Variants in SHISA9 observed in about 807,000 individuals in gnomAD.
SHISA9 encodes protein shisa-9.
SHISA9 carries 13 observed loss-of-function variants against 38.0 expected under a neutral mutation model. That is an observed-to-expected ratio of 0.34 (90% CI 0.22 to 0.54). SHISA9 has a LOEUF of 0.54. Ranked by LOEUF, SHISA9 falls within the 20% of genes least tolerant of loss-of-function variation. The probability of loss-of-function intolerance (pLI) is 0.91; values close to 1 mark genes in which losing one functional copy is unlikely to be tolerated. For missense variants in SHISA9, 538 were observed against 575.8 expected (o/e 0.93, Z 0.67); for synonymous variants, 275 against 242.0 (o/e 1.14, Z -1.27).
chr16:13,487,709 T>C, the SHISA9 span, among the ~76,000 whole-genome samples: 1 of 152,266 alleles, frequency 6.6e-6, no homozygotes, highest in African/African-American at 2.4e-5. Flanking sequence ...TAACATAATG[T>C]AAATGCTATG....
At chr16:12,970,307 C>T (rs2141806800) in intron 2 of SHISA9, among the ~76,000 whole-genome samples, 1 of 128,282 alleles carries the variant, frequency 7.8e-6, no homozygotes, top group Admixed American at 8.6e-5. Context: ...ACCCCTATCT[C>T]TCACTAGGGG....
At chr16:12,993,202 A>T (rs1215353267) in intron 2 of SHISA9, among the ~76,000 whole-genome samples, 1 of 149,068 alleles carries the variant, frequency 6.7e-6, no homozygotes, top group Non-Finnish European at 1.5e-5. Flanking sequence ...TAAAAGGTTC[A>T]GATTTGAAAT....
the SHISA9 span, chr16:13,458,481 G>C: frequency 2.6e-6 from 1 of 390,896 alleles, no homozygotes; most frequent in Non-Finnish European, 5.0e-6. Context: ...CTCATTTACA[G>C]CTAGAAATTG....
chr16:12,968,189 CAAAAAAAAAAAAAAAAAAAAAAAAA>C (rs200194973), intron 2 of SHISA9, among the ~76,000 whole-genome samples: 1 of 82,000 alleles, frequency 1.2e-5, no homozygotes, highest in Non-Finnish European at 2.4e-5. Context: ...GGCTCCATCT[CAAAAAAAAAAAAAAAAAAAAAAAAA>C]AAAAAAAAAA....
the SHISA9 span, among the ~76,000 whole-genome samples, chr16:13,560,966 C>T: frequency 6.6e-6 from 1 of 151,644 alleles, no homozygotes; most frequent in East Asian, 1.9e-4. Context: ...AGGGTTCAAG[C>T]GATTCTCCTG....
chr16:13,489,122 C>T, the SHISA9 span, among the ~76,000 whole-genome samples: 1 of 152,144 alleles, frequency 6.6e-6, no homozygotes, highest in Admixed American at 6.5e-5. Flanking sequence ...TCTCAGCTCA[C>T]TACAACCTCC....
chr16:13,027,156 A>C (rs2072932870), intron 2 of SHISA9, among the ~76,000 whole-genome samples: 1 of 152,186 alleles, frequency 6.6e-6, no homozygotes, highest in Non-Finnish European at 1.5e-5. Context: ...TTGGTTGACA[A>C]ATGTTGGGTG....
the SHISA9 span, among the ~76,000 whole-genome samples, chr16:13,281,736 C>T: frequency 6.6e-6 from 1 of 151,378 alleles, no homozygotes; most frequent in African/African-American, 2.4e-5. Context: ...TCATATTGTA[C>T]TTTTTTATAT....
At chr16:13,529,552 A>G in the SHISA9 span, among the ~76,000 whole-genome samples, 1 of 152,324 alleles carries the variant, frequency 6.6e-6, no homozygotes, top group East Asian at 1.9e-4. Flanking sequence ...TGTATAACAC[A>G]AAGTTACAGT....
the SHISA9 span, among the ~76,000 whole-genome samples, chr16:13,422,638 G>T: frequency 6.6e-6 from 1 of 152,218 alleles, no homozygotes; most frequent in African/African-American, 2.4e-5. Context: ...GGAGGTTGCA[G>T]TGAGCTGAGA....
rs2051028160 is a variant in SHISA9 at position 13,203,566 on chromosome 16, G to A, written c.847+17G>A. On this transcript the variant is annotated intron_variant, in intron 3 of 4. Transcript: ENST00000558583. ...AGGCAGTCGGTAAGTGCCACCTGAT[G>A]GATCTTTTTCTCTTTCTCCTCTTCG... The A allele has an allele frequency of 2.0e-6, 3 of 1,477,538 alleles. No individual in the cohort carries two copies. The highest frequency in any genetic ancestry group is 2.8e-5 in the South Asian group (2 of 71,360). The allele number at this position is 1,477,538 out of a possible 1,614,324, so 91.5% of individuals were successfully genotyped here.
At chr16:12,977,870 G>T (rs2072185926) in intron 2 of SHISA9, among the ~76,000 whole-genome samples, 1 of 152,026 alleles carries the variant, frequency 6.6e-6, no homozygotes, top group Admixed American at 6.6e-5. Flanking sequence ...AATGCATGCT[G>T]GGTTTAATAC....
At chr16:13,403,255 T>G in the SHISA9 span, among the ~76,000 whole-genome samples, 1 of 152,262 alleles carries the variant, frequency 6.6e-6, no homozygotes, top group Non-Finnish European at 1.5e-5. Context: ...GCCTGCCCTA[T>G]GTCTATTTCC....
chr16:13,098,929 A>G (rs916602903), intron 2 of SHISA9, among the ~76,000 whole-genome samples: 1 of 152,238 alleles, frequency 6.6e-6, no homozygotes, highest in Non-Finnish European at 1.5e-5. Context: ...AGAGTAAATA[A>G]AGGGATGAGT....
chr16:13,549,765 C>T, the SHISA9 span, among the ~76,000 whole-genome samples: 2 of 152,022 alleles, frequency 1.3e-5, no homozygotes, highest in East Asian at 1.9e-4. Context: ...TGGCTCACAC[C>T]TGTAATCTCA....
At chr16:13,025,020 A>G (rs966058131) in intron 2 of SHISA9, among the ~76,000 whole-genome samples, 3 of 152,188 alleles carry the variant, frequency 2.0e-5, no homozygotes, top group Admixed American at 2.0e-4. Context: ...ATTGATACCA[A>G]CATGTTAAGA....
At chr16:13,556,278 G>T in the SHISA9 span, among the ~76,000 whole-genome samples, 1 of 152,174 alleles carries the variant, frequency 6.6e-6, no homozygotes, top group Non-Finnish European at 1.5e-5. Flanking sequence ...GCACAGGAAG[G>T]TTATATGACT....
chr16:13,197,955 C>T lies in SHISA9; in HGVS notation c.692-5439C>T, dbSNP rs182276074. 3.1e-3 allele frequency among the ~76,000 whole-genome samples: 477 copies of T among 152,226 alleles called. 3 individuals carry two copies. The highest frequency in any genetic ancestry group is 6.1e-3 in the African/African-American group (254 of 41,552). The stretch of plus-strand genomic sequence containing the variant: ...AGCCCAGCACTTTGGGAGGCCAAGG[C>T]GGGCAGATCACCTGAGGTCAGGAGT... On this transcript the variant is annotated intron_variant, in intron 2 of 4. Transcript: ENST00000558583.
At chr16:13,094,502 G>A (rs143370341) in intron 2 of SHISA9, among the ~76,000 whole-genome samples, 134 of 152,104 alleles carry the variant, frequency 8.8e-4, no homozygotes, top group African/African-American at 3.0e-3. Flanking sequence ...TGACTGCTCC[G>A]GTTGTAACTG....
Sources: gnomAD v4.1 joint callset for allele counts (sites outside exome capture counted in the v4.1 genomes callset) on GRCh38, gnomAD v4.1.1 for gene constraint, MANE v1.5 for transcripts, NCBI Gene and HGNC (gene_info 2026-07-23, HGNC 2026-07-21) for gene names.